The following SLC5A10 variants were observed in gnomAD, a reference collection of about 807,000 sequenced individuals.
SLC5A10 encodes the protein sodium/mannose cotransporter SLC5A10.
SLC5A10 carries 55 observed loss-of-function variants against 68.9 expected under a neutral mutation model. The ratio of observed to expected loss-of-function variants is 0.80; its 90% confidence interval spans 0.64 to 1.00. The LOEUF (loss-of-function observed/expected upper bound fraction) is 1.00. SLC5A10 is among the 50% of genes least tolerant of loss of function. The probability of loss-of-function intolerance (pLI) is 0.00; values close to 1 mark genes in which losing one functional copy is unlikely to be tolerated. For missense variants in SLC5A10, 732 were observed against 819.3 expected, an observed-to-expected ratio of 0.89 and a Z score of 1.30; for synonymous variants, 344 against 344.8, an observed-to-expected ratio of 1.00 and a Z score of 0.02.
chr17:18,981,027 G>GC (rs1262142606), intron 9 of SLC5A10, among the ~76,000 whole-genome samples: 1 of 152,160 alleles, frequency 6.6e-6, no homozygotes, highest in Admixed American at 6.5e-5. Flanking sequence ...CCACTCACTG[G>GC]CCCCAGCTTA....
At chr17:18,986,690 C>T (rs1044570191) in intron 9 of SLC5A10, among the ~76,000 whole-genome samples, 2 of 152,242 alleles carry the variant, frequency 1.3e-5, no homozygotes, top group Non-Finnish European at 1.5e-5. Flanking sequence ...TGGCTGGCCC[C>T]AGGTTAGGGT....
Position 19,013,466 on chromosome 17 carries a change from G to T in SLC5A10, c.1039G>T (p.Gly347Cys). 6.2e-7 allele frequency: 1 copy of T among 1,603,910 alleles called. No homozygotes were observed. Among genetic ancestry groups the T allele is most frequent in the Non-Finnish European group, 8.5e-7 (1 of 1,175,276 alleles). ...CCTGCGGGCCTGCGGGGCCGAGGTC[G>T]GCTGCTCCAACATCGCCTACCCCAA... is the stretch of plus-strand genomic sequence containing the variant. ...ECLRACGAEV[G>C]CSNIAYPKLV... Residue 347 changes from glycine to cysteine, a missense_variant, in exon 10 of 15, where the codon GGC (glycine) becomes TGC (cysteine). Transcript: ENST00000395645.
chr17:19,001,100 T>C (rs1173955547), intron 9 of SLC5A10, among the ~76,000 whole-genome samples: 2 of 152,106 alleles, frequency 1.3e-5, no homozygotes, highest in Non-Finnish European at 2.9e-5. Context: ...AGTTTCTACA[T>C]CTGAAAAATG....
At chr17:18,958,854 AGTGG>A in intron 2 of SLC5A10, 101 bp downstream of exon 2, 1 of 1,400,836 alleles carries the variant, frequency 7.1e-7, no homozygotes, top group South Asian at 1.2e-5. Context: ...AGTCCAATTC[AGTGG>A]AGCAGGCCGG....
chr17:18,998,317 A>G (rs1012580686), intron 9 of SLC5A10, among the ~76,000 whole-genome samples: 7 of 152,232 alleles, frequency 4.6e-5, no homozygotes, highest in Non-Finnish European at 7.3e-5. Flanking sequence ...ACAAGTGAAG[A>G]AACTGAGGCC....
rs1423154916 is a variant in SLC5A10 at position 18,971,226 on chromosome 17, C to A, written c.846+8C>A. 6.2e-7 allele frequency: 1 copy of A among 1,613,632 alleles called. No individual in the cohort carries two copies. Among genetic ancestry groups the A allele is most frequent in the African/African-American group, 1.3e-5 (1 of 75,054 alleles). On this transcript the variant is annotated splice_region_variant and intron_variant, in intron 8 of 14. Transcript: ENST00000395645. This position sits in a 1 kb window ranked among gnomAD's most constrained non-coding sequence, Gnocchi z 5.5. ...TACTGGTGCACCGACCAGGTGAGTG[C>A]CAACGTCTCCCGCCCATCCCACCTT...
intron 9 of SLC5A10, among the ~76,000 whole-genome samples, chr17:18,981,807 G>C (rs1473923105): frequency 1.3e-5 from 2 of 152,210 alleles, no homozygotes; most frequent in Non-Finnish European, 1.5e-5. Context: ...CACACAGCCA[G>C]CTCAGCAGGA....
intron 1 of SLC5A10, among the ~76,000 whole-genome samples, chr17:18,955,894 T>C (rs2042488006): frequency 6.6e-6 from 1 of 152,142 alleles, no homozygotes; most frequent in South Asian, 2.1e-4. Context: ...AGACCCTGTC[T>C]TAAAAATAAA....
intron 9 of SLC5A10, among the ~76,000 whole-genome samples, chr17:19,007,884 C>T (rs1308261655): frequency 6.6e-6 from 1 of 152,078 alleles, no homozygotes; most frequent in African/African-American, 2.4e-5. Context: ...CTATATTTAA[C>T]GTTTTATTTG....
chr17:18,970,859 C>G, intron 7 of SLC5A10, 154 bp from the exon 8 acceptor site: 2 of 652,284 alleles, frequency 3.1e-6, no homozygotes, highest in Non-Finnish European at 5.4e-6. Context: ...AACCCTCTAC[C>G]CTCACACCTT....
intron 9 of SLC5A10, among the ~76,000 whole-genome samples, chr17:19,007,530 G>A (rs1480572632): frequency 6.6e-6 from 1 of 152,124 alleles, no homozygotes; most frequent in African/African-American, 2.4e-5. Flanking sequence ...AGCCTCCTGA[G>A]TAGCTGGGAC....
chr17:18,993,402 T>A (rs542676867), intron 9 of SLC5A10, among the ~76,000 whole-genome samples: 4 of 151,876 alleles, frequency 2.6e-5, no homozygotes, highest in Admixed American at 6.6e-5. Context: ...AGCAATGGAG[T>A]CTCCCAAGGA....
In SLC5A10 at chr17:19,020,396, T is replaced by G. The variant is rs1330650339; in HGVS notation, c.1756T>G (p.Cys586Gly). Residue 586 changes from cysteine (C) to glycine (G), a missense_variant, in exon 15 of 15, where the codon TGT (cysteine) becomes GGT (glycine). Physicochemically the swap from Cys to Gly is radical, Grantham distance 159. Coordinates refer to ENST00000395645, the MANE Select transcript of SLC5A10 (RefSeq NM_001042450.4). ...VCGFNAILLM[C>G]VNIFFYAYFA ...TGGCTTCAATGCCATCCTCCTCATG[T>G]GTGTCAACATATTCTTTTATGCCTA... is the stretch of plus-strand genomic sequence containing the variant. 6.2e-7 allele frequency: 1 copy of G among 1,613,946 alleles called. No individual in the cohort carries two copies. Among genetic ancestry groups the G allele is most frequent in the African/African-American group, 1.3e-5 (1 of 74,924 alleles).
Position 18,971,443 on chromosome 17 carries a change from T to A in SLC5A10, c.846+225T>A, listed in dbSNP as rs1266098105. 1 of 1,613,850 alleles carries A rather than the reference T, an allele frequency of 6.2e-7. No homozygotes were observed. Among genetic ancestry groups the A allele is most frequent in the Non-Finnish European group, 8.5e-7 (1 of 1,180,008 alleles). On this transcript the variant is annotated intron_variant, in intron 8 of 14. Coordinates refer to ENST00000395645, the MANE Select transcript of SLC5A10 (RefSeq NM_001042450.4). This position sits in a 1 kb window ranked among gnomAD's most constrained non-coding sequence, Gnocchi z 5.5. ...ACTGGCTACCGCCCGTCCTGGCCTTTAGGTGCTTCGACTGAGACAGTTTGG... is the reference window on the plus strand; with the variant it reads ...ACTGGCTACCGCCCGTCCTGGCCTTAAGGTGCTTCGACTGAGACAGTTTGG...
In SLC5A10 at chr17:19,022,242, G is replaced by A. The variant is rs1048232531; in HGVS notation, c.*1811G>A. The A allele has an allele frequency of 4.7e-6, 3 of 644,770 alleles. No individual in the cohort carries two copies. The highest frequency in any genetic ancestry group is 7.6e-5 in the Admixed American group (2 of 26,460). 39.9% of individuals were successfully genotyped at this position (644,770 alleles called of 1,614,324 possible). A position where few individuals can be genotyped will look rare whatever the true frequency, so the allele number is the denominator to read the frequency against. ...AGAGAAGTGATTTGCCACAGGTGAG[G>A]AGGGGTCTCGGGCAGCACCGGAGTT... is the stretch of plus-strand genomic sequence containing the variant. On this transcript the variant is annotated 3_prime_UTR_variant, in exon 15 of 15. Coordinates refer to ENST00000395645, the MANE Select transcript of SLC5A10 (RefSeq NM_001042450.4).
intron 8 of SLC5A10, among the ~76,000 whole-genome samples, chr17:18,972,011 A>ACACAGG (rs1268911543): frequency 2.6e-5 from 4 of 152,292 alleles, no homozygotes; most frequent in African/African-American, 7.2e-5. Context: ...CTCTATTCCG[A>ACACAGG]CACAGGCCTG....
intron 9 of SLC5A10, among the ~76,000 whole-genome samples, chr17:19,008,301 C>T (rs2043940838): frequency 6.6e-6 from 1 of 152,124 alleles, no homozygotes; most frequent in African/African-American, 2.4e-5. Flanking sequence ...CTTTTACAGC[C>T]TAGCCTTAGG....
chr17:18,953,187 G>A (rs2042410810), intron 1 of SLC5A10, among the ~76,000 whole-genome samples: 1 of 148,274 alleles, frequency 6.7e-6, no homozygotes, highest in South Asian at 2.1e-4. Context: ...CTGGGCTGGA[G>A]TGCAGTGGCA....
At chr17:18,993,312 G>A (rs2152134365) in intron 9 of SLC5A10, among the ~76,000 whole-genome samples, 1 of 152,222 alleles carries the variant, frequency 6.6e-6, no homozygotes, top group South Asian at 2.1e-4. Context: ...CCCAACTCCA[G>A]TGCAGCCCCA....
Sources: gnomAD v4.1 joint callset for allele counts (sites outside exome capture counted in the v4.1 genomes callset) on GRCh38, gnomAD v4.1.1 for gene constraint, Gnocchi (gnomAD v3.1) non-coding constraint, MANE v1.5 for transcripts, NCBI Gene and HGNC (gene_info 2026-07-23, HGNC 2026-07-21) for gene names.